NAV1: variants seen among roughly 807,000 people sequenced by gnomAD.
The protein encoded by NAV1 is neuron navigator 1.
A neutral mutation model predicts 175.2 loss-of-function variants in NAV1; 18 were observed. The ratio of observed to expected loss-of-function variants is 0.10; its 90% CI spans 0.07 to 0.15. The LOEUF (loss-of-function observed/expected upper bound fraction) is 0.15, where lower values mean the gene tolerates loss of function less well. NAV1 is among the 10% of genes least tolerant of loss of function. The pLI, the probability that NAV1 is intolerant of heterozygous loss-of-function variation, is 1.00. For missense variants in NAV1, 1,731 were observed against 2,436.6 expected (o/e 0.71, Z 6.10); for synonymous variants, 897 against 978.7 (o/e 0.92, Z 1.56).
intron 1 of NAV1, among the ~76,000 whole-genome samples, chr1:201,664,684 C>T (rs1369397702): frequency 1.3e-5 from 2 of 152,212 alleles, no homozygotes; most frequent in African/African-American, 4.8e-5. Flanking sequence ...CGACAACCCA[C>T]TGGTTGGTTG....
chr1:201,555,861 A>G (rs532470539), intron 1 of NAV1, among the ~76,000 whole-genome samples: 1 of 70,488 alleles, frequency 1.4e-5, no homozygotes, highest in Non-Finnish European at 2.6e-5. Flanking sequence ...GTGAAGGGAG[A>G]TGGGGGGCGG....
intron 1 of NAV1, among the ~76,000 whole-genome samples, chr1:201,696,651 G>A (rs150694682): frequency 1.3e-5 from 2 of 152,290 alleles, no homozygotes; most frequent in African/African-American, 2.4e-5. Flanking sequence ...TGTGAGGAGC[G>A]TGATTCCAGC....
chr1:201,640,711 T>A (rs1456113333), intron 2 of NAV1, among the ~76,000 whole-genome samples: 2 of 152,206 alleles, frequency 1.3e-5, no homozygotes, highest in Non-Finnish European at 2.9e-5. Context: ...TGGGCCACCA[T>A]CCCAGAAGCT....
rs1673016206 is a variant in NAV1, at chr1:201,734,499, G to GAAGA, written c.1226+15745_1226+15746insAGAA. 1.7e-3 allele frequency among the ~76,000 whole-genome samples: 208 copies of GAAGA among 120,264 alleles called. 1 individual carries two copies. Among genetic ancestry groups the GAAGA allele is most frequent in the Non-Finnish European group, 3.0e-3 (160 of 53,678 alleles). 78.9% of individuals were successfully genotyped at this position (120,264 alleles called of 152,430 possible). ...GAGGAGGAGGAGGAAGAAGGAGAAG[G>GAAGA]AGAAGAAGAAGAAGAAGAAGAAGAA... is the stretch of plus-strand genomic sequence containing the variant. On this transcript the variant is annotated intron_variant, in intron 3 of 29. Coordinates refer to ENST00000367296, the Ensembl canonical transcript of NAV1.
At chr1:201,762,407 C>T (rs940636239) in intron 3 of NAV1, among the ~76,000 whole-genome samples, 2 of 152,198 alleles carry the variant, frequency 1.3e-5, no homozygotes, top group African/African-American at 2.4e-5. Flanking sequence ...TGGCCAAATC[C>T]AGTCCACTGC....
At chr1:201,711,361 C>A (rs1463625001) in intron 1 of NAV1, among the ~76,000 whole-genome samples, 2 of 152,236 alleles carry the variant, frequency 1.3e-5, no homozygotes, top group Non-Finnish European at 2.9e-5. Flanking sequence ...CTGGAGAGGG[C>A]ATTGCAGGCT....
At chr1:201,600,382 A>C (rs1293194583) in intron 2 of NAV1, among the ~76,000 whole-genome samples, 1 of 152,206 alleles carries the variant, frequency 6.6e-6, no homozygotes, top group Non-Finnish European at 1.5e-5. Context: ...AGCATGGTGG[A>C]GACAGGCTGG....
At chr1:201,804,373 C>G in intron 16 of NAV1, 116 bp from the exon 21 acceptor site, 1 of 1,073,000 alleles carries the variant, frequency 9.3e-7, no homozygotes, top group Non-Finnish European at 1.3e-6. Context: ...GTAAGACACA[C>G]CCCCAGACCT....
intron 1 of NAV1, among the ~76,000 whole-genome samples, chr1:201,587,696 G>A (rs1258601330): frequency 2.0e-5 from 3 of 151,880 alleles, no homozygotes; most frequent in South Asian, 2.1e-4. Flanking sequence ...ACAAACAAAC[G>A]AATGAACAAA....
exon 30 of NAV1, chr1:201,826,506 A>T (rs1435519560): frequency 2.0e-5 from 3 of 152,112 alleles, no homozygotes; most frequent in Non-Finnish European, 4.4e-5. Context: ...AGCACCGTTT[A>T]TGTGACAGAG....
In NAV1 at chr1:201,702,680, C is replaced by CTCTT. The variant is rs1671480969; in HGVS notation, c.758-10134_758-10133insTTCT. Among the ~76,000 whole-genome samples, 2 of 21,828 alleles carry CTCTT rather than the reference C, an allele frequency of 9.2e-5. 1 individual carries two copies. The highest frequency in any genetic ancestry group is 1.6e-3 in the Admixed American group (2 of 1,264). The allele number at this position is 21,828 out of a possible 152,430, so 14.3% of individuals were successfully genotyped here. On this transcript the variant is annotated intron_variant, in intron 1 of 29. Transcript: ENST00000367296. ...GAATTTTGGTATGTGAATTCTCTCT[C>CTCTT]TCTCTCTCTCTCTCTCTCTCTCTCT...
intron 1 of NAV1, among the ~76,000 whole-genome samples, chr1:201,558,571 G>C (rs1666103270): frequency 6.6e-6 from 1 of 152,282 alleles, no homozygotes; most frequent in African/African-American, 2.4e-5. Context: ...TCCTGTCTCA[G>C]CCTCCTGAGT....
rs149174184 is a variant in NAV1 at position 201,746,027 on chromosome 1, C to T, written c.1226+27272C>T. ...TTTTTTTGTAGAGGCCGGGTTTTGC[C>T]GTGTTGTCCAGGCTGTTTTCTAACT... On this transcript the variant is annotated intron_variant, in intron 3 of 29. Coordinates refer to ENST00000367296, the Ensembl canonical transcript of NAV1. Among the ~76,000 whole-genome samples the T allele has an allele frequency of 4.7e-4, 72 of 151,932 alleles. 1 individual carries two copies. Among genetic ancestry groups the T allele is most frequent in the African/African-American group, 1.7e-3 (69 of 41,424 alleles).
chr1:201,790,490 C>A, intron 11 of NAV1, 64 bp from the exon 16 acceptor site: 1 of 1,584,928 alleles, frequency 6.3e-7, no homozygotes, highest in South Asian at 1.1e-5. Context: ...GACCTGACTT[C>A]TTCACCTCCA....
intron 1 of NAV1, among the ~76,000 whole-genome samples, chr1:201,675,225 G>C (rs1670200954): frequency 6.6e-6 from 1 of 152,068 alleles, no homozygotes; most frequent in African/African-American, 2.4e-5. Flanking sequence ...ACACCAACAT[G>C]TCCTCCATTT....
At chr1:201,713,685 A>G (rs371613255) in intron 2 of NAV1, among the ~76,000 whole-genome samples, 50 of 152,326 alleles carry the variant, frequency 3.3e-4, no homozygotes, top group African/African-American at 1.2e-3. Flanking sequence ...CGGGAGGCAG[A>G]ACAGACAGCC....
At position 201,774,028 on chromosome 1, in the gene NAV1, T is replaced by G. The variant is rs755864001; in HGVS notation, c.1227-6393T>G. ...CGTACATCAGTAGCCTGTTGGTGGT[T>G]GTTTGGATTTGTAGATTAGATTATA... On this transcript the variant is annotated intron_variant, in intron 3 of 29. Transcript: ENST00000367296. 2.6e-4 allele frequency among the ~76,000 whole-genome samples: 40 copies of G among 152,314 alleles called. 1 individual carries two copies. The highest frequency in any genetic ancestry group is 7.2e-4 in the Admixed American group (11 of 15,302).
intron 1 of NAV1, among the ~76,000 whole-genome samples, chr1:201,563,478 A>C (rs1388257277): frequency 6.6e-6 from 1 of 151,696 alleles, no homozygotes; most frequent in Non-Finnish European, 1.5e-5. Flanking sequence ...TGTCTGCTTC[A>C]AGTGCCACAG....
chr1:201,596,088 T>C (rs771827607), intron 2 of NAV1, among the ~76,000 whole-genome samples: 9 of 152,236 alleles, frequency 5.9e-5, no homozygotes, highest in Non-Finnish European at 1.2e-4. Flanking sequence ...TGCATCTCAG[T>C]TTTCTCACCA....
Sources: gnomAD v4.1 joint callset for allele counts (sites outside exome capture counted in the v4.1 genomes callset) on GRCh38, gnomAD v4.1.1 for gene constraint, MANE v1.5 for transcripts, NCBI Gene and HGNC (gene_info 2026-07-23, HGNC 2026-07-21) for gene names.